The following PSORS1C1 variants were observed in gnomAD, a reference collection of about 807,000 sequenced individuals.
The protein encoded by PSORS1C1 is psoriasis susceptibility 1 candidate 1.
PSORS1C1 carries 7 observed loss-of-function variants against 9.4 expected under a neutral mutation model. The ratio of observed to expected loss-of-function variants is 0.75; its 90% confidence interval spans 0.42 to 1.40. The LOEUF is 1.40. Ranked by LOEUF, PSORS1C1 falls within the 40% of genes most tolerant of loss-of-function variation. The probability of loss-of-function intolerance (pLI) is 0.01; values close to 1 mark genes in which losing one functional copy is unlikely to be tolerated. For missense variants in PSORS1C1, 146 were observed against 178.1 expected, an observed-to-expected ratio of 0.82 and a Z score of 1.02; for synonymous variants, 63 against 69.4, an observed-to-expected ratio of 0.91 and a Z score of 0.46.
chr6:31,131,123 C>T (rs1040396216), intron 3 of PSORS1C1, among the ~76,000 whole-genome samples: 9 of 152,302 alleles, frequency 5.9e-5, no homozygotes, highest in African/African-American at 1.7e-4. Context: ...AATTTTCCCC[C>T]GACCTGTCTC....
chr6:31,131,119 C>T (rs1041553966), intron 3 of PSORS1C1, among the ~76,000 whole-genome samples: 1 of 152,118 alleles, frequency 6.6e-6, no homozygotes, highest in African/African-American at 2.4e-5. Context: ...CCCTAATTTT[C>T]CCCCGACCTG....
chr6:31,134,379 T>C (rs1581864627), intron 3 of PSORS1C1, among the ~76,000 whole-genome samples: 1 of 149,004 alleles, frequency 6.7e-6, no homozygotes, highest in South Asian at 2.1e-4. Flanking sequence ...CTCGGCTCAC[T>C]GCAAGCTCCA....
chr6:31,118,832 T>C (rs1300541303), intron 1 of PSORS1C1: 1 of 125,444 alleles, frequency 8.0e-6, no homozygotes, highest in Non-Finnish European at 1.7e-5. Context: ...TGGAAGTTTT[T>C]TCTTCTTCTT....
At chr6:31,133,310 G>A (rs145737510) in intron 3 of PSORS1C1, among the ~76,000 whole-genome samples, 58 of 152,280 alleles carry the variant, frequency 3.8e-4, no homozygotes, top group African/African-American at 1.3e-3. Context: ...AAGGAGTGGT[G>A]TAGGCAGAGG....
chr6:31,137,885 A>C, intron 3 of PSORS1C1: 2 of 697,414 alleles, frequency 2.9e-6, no homozygotes, highest in Non-Finnish European at 4.5e-6. Flanking sequence ...TTCACGGGGA[A>C]TCAGAGGGTG....
chr6:31,124,282 T>G (rs1401082972), intron 1 of PSORS1C1, among the ~76,000 whole-genome samples: 1 of 152,072 alleles, frequency 6.6e-6, no homozygotes, highest in Non-Finnish European at 1.5e-5. Context: ...GTTGAGGGAC[T>G]CCATAAAGAG....
At chr6:31,129,468 T>G in intron 2 of PSORS1C1, 101 bp from the exon 3 acceptor site, 1 of 664,982 alleles carries the variant, frequency 1.5e-6, no homozygotes, top group Non-Finnish European at 2.7e-6. Context: ...GAAGACAGCC[T>G]GTTTGAGTGC....
intron 1 of PSORS1C1, chr6:31,120,225 C>T (rs1772379076): frequency 3.5e-6 from 3 of 858,554 alleles, no homozygotes; most frequent in Non-Finnish European, 3.8e-6. Context: ...AGGAGCAACC[C>T]CCAGACTCAA....
At chr6:31,136,924 G>A (rs1035544022) in intron 3 of PSORS1C1, among the ~76,000 whole-genome samples, 2 of 152,104 alleles carry the variant, frequency 1.3e-5, no homozygotes, top group Non-Finnish European at 2.9e-5. Context: ...GCCGAGGTGG[G>A]CAGATCACGA....
intron 2 of PSORS1C1, among the ~76,000 whole-genome samples, chr6:31,127,166 A>T (rs979473247): frequency 9.2e-5 from 14 of 152,250 alleles, no homozygotes; most frequent in Admixed American, 8.5e-4. Flanking sequence ...CTCTCGGGAG[A>T]GGAGAGGCCG....
intron 3 of PSORS1C1, among the ~76,000 whole-genome samples, chr6:31,134,722 G>A (rs781108233): frequency 9.2e-5 from 14 of 152,164 alleles, no homozygotes; most frequent in African/African-American, 1.7e-4. Flanking sequence ...AACCCTGGTC[G>A]GATACTTGAT....
chr6:31,132,848 TAA>T (rs9281221), intron 3 of PSORS1C1, among the ~76,000 whole-genome samples: 11 of 140,324 alleles, frequency 7.8e-5, no homozygotes, highest in Non-Finnish European at 9.3e-5. Flanking sequence ...GACCCTGTCT[TAA>T]AAAAAAAAAA....
Position 31,120,388 on chromosome 6 carries a change from C to T in PSORS1C1, c.-228-5288C>T, listed in dbSNP as rs371334209. ...TGCCATCATCCCGTGCCCACCCACA[C>T]GCCCCATCCAGGGTGCCCGAGACGA... On this transcript the variant is annotated intron_variant, in intron 1 of 5. Coordinates refer to ENST00000259881, the MANE Select transcript of PSORS1C1 (RefSeq NM_014068.3). The T allele has an allele frequency of 2.0e-3, 3,131 of 1,593,800 alleles. 97 individuals are homozygous for T. The South Asian group carries it at 0.032, about 16-fold the overall frequency.
intron 1 of PSORS1C1, chr6:31,117,617 G>A (rs973608377): frequency 7.0e-6 from 8 of 1,149,978 alleles, no homozygotes; most frequent in South Asian, 4.0e-5. Flanking sequence ...TCGGCCTCTC[G>A]GGTTTCTCCC....
intron 1 of PSORS1C1, among the ~76,000 whole-genome samples, chr6:31,121,440 C>A (rs896140507): frequency 6.6e-6 from 1 of 152,224 alleles, no homozygotes; most frequent in Non-Finnish European, 1.5e-5. Flanking sequence ...GCTCCCGGGT[C>A]CTCAAAGGAT....
chr6:31,138,336 G>A (rs1320886029), intron 3 of PSORS1C1, 94 bp from the exon 4 acceptor site: 2 of 1,607,962 alleles, frequency 1.2e-6, no homozygotes, highest in Non-Finnish European at 1.7e-6. Flanking sequence ...AAGGTAAGAG[G>A]TGGTGAGGGC....
intron 3 of PSORS1C1, among the ~76,000 whole-genome samples, chr6:31,136,799 A>T (rs1414094816): frequency 6.6e-6 from 1 of 152,224 alleles, no homozygotes; most frequent in Non-Finnish European, 1.5e-5. Flanking sequence ...TAGGAACTCA[A>T]GTTACTTCCA....
intron 1 of PSORS1C1, chr6:31,117,469 G>A: frequency 1.9e-6 from 3 of 1,553,590 alleles, no homozygotes; most frequent in Non-Finnish European, 1.7e-6. Context: ...GTTAGGGGAG[G>A]TGATACGCGT....
chr6:31,130,561 G>A (rs1360907359), intron 3 of PSORS1C1, among the ~76,000 whole-genome samples: 4 of 151,766 alleles, frequency 2.6e-5, no homozygotes, highest in African/African-American at 4.8e-5. Context: ...ACAGGCGCCC[G>A]CCACCACTCC....
Sources: gnomAD v4.1 joint callset for allele counts (sites outside exome capture counted in the v4.1 genomes callset) on GRCh38, gnomAD v4.1.1 for gene constraint, MANE v1.5 for transcripts, NCBI Gene and HGNC (gene_info 2026-07-23, HGNC 2026-07-21) for gene names.